Variants in SCML4 observed in about 807,000 individuals in gnomAD.
SCML4 encodes sex comb on midleg-like protein 4.
Under a neutral mutation model 41.1 loss-of-function variants are expected in SCML4, and 34 were observed. The observed-to-expected ratio is 0.83, with a 90% CI of 0.63 to 1.10. SCML4 has a LOEUF of 1.10. Among genes scored for constraint, SCML4 ranks in the 50% least tolerant of loss-of-function variants. The pLI, the probability that SCML4 is intolerant of heterozygous loss-of-function variation, is 0.00. For synonymous variants in SCML4, 214 were observed against 220.9 expected, an observed-to-expected ratio of 0.97 and a Z score of 0.28; for missense variants, 522 against 534.1, an observed-to-expected ratio of 0.98 and a Z score of 0.22.
chr6:107,816,515 A>G (rs1051586945), intron 1 of SCML4, among the ~76,000 whole-genome samples: 14 of 152,200 alleles, frequency 9.2e-5, no homozygotes, highest in African/African-American at 3.1e-4. Context: ...GATTCTGTGC[A>G]GCTCTGAAGA....
chr6:107,800,973 C>A (rs964078190), intron 1 of SCML4, among the ~76,000 whole-genome samples: 7 of 152,242 alleles, frequency 4.6e-5, no homozygotes, highest in Non-Finnish European at 1.5e-5. Context: ...CGAATCTTAA[C>A]CTTGCAGGGG....
intron 1 of SCML4, among the ~76,000 whole-genome samples, chr6:107,780,634 G>C (rs1781409840): frequency 1.3e-5 from 2 of 151,992 alleles, no homozygotes; most frequent in East Asian, 3.9e-4. Context: ...CTGAGCCCGG[G>C]AAGTTGAGGC....
the SCML4 span, among the ~76,000 whole-genome samples, chr6:107,829,852 G>A: frequency 6.6e-6 from 1 of 152,084 alleles, no homozygotes; most frequent in Middle Eastern, 3.2e-3. Context: ...TCGTCACATT[G>A]GCAAACATAT....
At chr6:107,734,482 C>T (rs1776862162) in intron 5 of SCML4, among the ~76,000 whole-genome samples, 2 of 152,148 alleles carry the variant, frequency 1.3e-5, no homozygotes, top group Admixed American at 1.3e-4. Flanking sequence ...TGAGAGAGAA[C>T]CTGAGCCTTA....
At chr6:107,838,685 G>A in the SCML4 span, among the ~76,000 whole-genome samples, 1 of 152,138 alleles carries the variant, frequency 6.6e-6, no homozygotes, top group Non-Finnish European at 1.5e-5. Context: ...CAAACAAAGA[G>A]GTAAGGGAGT....
At chr6:107,820,588 C>T (rs549411330) in intron 1 of SCML4, among the ~76,000 whole-genome samples, 1 of 152,328 alleles carries the variant, frequency 6.6e-6, no homozygotes, top group South Asian at 2.1e-4. Flanking sequence ...TAAAGATCAG[C>T]ATTTGACAAA....
intron 1 of SCML4, among the ~76,000 whole-genome samples, chr6:107,796,135 A>G (rs1484558333): frequency 2.6e-5 from 4 of 152,052 alleles, no homozygotes; most frequent in African/African-American, 9.7e-5. Context: ...TCTGCCAGAA[A>G]CATTTCTCTA....
chr6:107,724,435 G>A (rs181378463), intron 5 of SCML4, among the ~76,000 whole-genome samples: 15 of 152,250 alleles, frequency 9.9e-5, no homozygotes, highest in Non-Finnish European at 1.9e-4. Flanking sequence ...AGTTCAGCAA[G>A]GTTGTAGGAT....
chr6:107,718,208 T>G (rs7757757), intron 6 of SCML4, among the ~76,000 whole-genome samples: 81,941 of 152,034 alleles, frequency 0.54, 23,682 homozygotes, highest in Middle Eastern at 0.69. Context: ...ATGGAGCCAG[T>G]TGGAGATAAT....
the SCML4 span, among the ~76,000 whole-genome samples, chr6:107,837,720 A>C: frequency 6.6e-6 from 1 of 152,056 alleles, no homozygotes; most frequent in African/African-American, 2.4e-5. Flanking sequence ...TGTTGAGTAT[A>C]GATCAACTGT....
intron 2 of SCML4, among the ~76,000 whole-genome samples, chr6:107,750,744 A>T (rs1778545553): frequency 6.6e-6 from 1 of 152,116 alleles, no homozygotes; most frequent in Non-Finnish European, 1.5e-5. Flanking sequence ...AACCTTCTAG[A>T]GGGTCTTGTT....
chr6:107,754,512 G>A (rs1474369856), intron 2 of SCML4, among the ~76,000 whole-genome samples: 3 of 152,176 alleles, frequency 2.0e-5, no homozygotes, highest in African/African-American at 7.2e-5. Context: ...GGAGAGGCTG[G>A]TGGTGACAGA....
intron 4 of SCML4, chr6:107,746,130 A>C (rs1395763501): frequency 1.3e-5 from 2 of 152,454 alleles, no homozygotes; most frequent in African/African-American, 4.8e-5. Context: ...CCATGAGGTC[A>C]TCTCTGCTAG....
intron 1 of SCML4, among the ~76,000 whole-genome samples, chr6:107,804,026 A>T (rs1783518995): frequency 1.3e-5 from 2 of 150,426 alleles, no homozygotes; most frequent in Non-Finnish European, 3.0e-5. Flanking sequence ...CCTCTGCGAG[A>T]AACACCCAAG....
chr6:107,793,520 A>T (rs368502808), intron 1 of SCML4, among the ~76,000 whole-genome samples: 7 of 152,216 alleles, frequency 4.6e-5, no homozygotes, highest in South Asian at 2.1e-4. Flanking sequence ...CTCAGTGTGA[A>T]TCCAGTGGAA....
At chr6:107,734,730 T>C (rs530892243) in intron 5 of SCML4, among the ~76,000 whole-genome samples, 1 of 152,310 alleles carries the variant, frequency 6.6e-6, no homozygotes, top group East Asian at 1.9e-4. Context: ...GGATGAGGAC[T>C]CCTACCCTGG....
At chr6:107,722,858 A>C (rs1405496012) in intron 5 of SCML4, among the ~76,000 whole-genome samples, 1 of 152,230 alleles carries the variant, frequency 6.6e-6, no homozygotes, top group Non-Finnish European at 1.5e-5. Flanking sequence ...TCTCAAATGA[A>C]TAACCTAATC....
At chr6:107,792,646 C>T (rs904324144) in intron 1 of SCML4, among the ~76,000 whole-genome samples, 5 of 151,514 alleles carry the variant, frequency 3.3e-5, no homozygotes, top group Admixed American at 6.6e-5. Context: ...GCAGGAGAAT[C>T]GCTACAATCT....
chr6:107,774,551 A>G (rs1053925408), intron 1 of SCML4, among the ~76,000 whole-genome samples: 12 of 152,212 alleles, frequency 7.9e-5, no homozygotes, highest in African/African-American at 2.9e-4. Flanking sequence ...GTCCGAGTCT[A>G]ATTTTGAACT....
Sources: gnomAD v4.1 joint callset for allele counts (sites outside exome capture counted in the v4.1 genomes callset) on GRCh38, gnomAD v4.1.1 for gene constraint, MANE v1.5 for transcripts, NCBI Gene and HGNC (gene_info 2026-07-23, HGNC 2026-07-21) for gene names.